The following SYAP1 variants were observed in gnomAD, a reference collection of about 807,000 sequenced individuals.
SYAP1 encodes synapse associated protein 1, also known as synapse-associated protein 1.
SYAP1 carries 3 observed loss-of-function variants against 29.6 expected under a neutral mutation model. That is an observed-to-expected ratio of 0.10 (90% CI 0.05 to 0.26). The LOEUF is 0.26. SYAP1 is among the 10% of genes least tolerant of loss of function. The pLI is 1.00. For synonymous variants in SYAP1, 102 were observed against 102.7 expected (o/e 0.99, Z 0.04); for missense variants, 217 against 264.1 (o/e 0.82, Z 1.24).
At chrX:16,724,191 G>T (rs1926030956) in intron 1 of SYAP1, among the ~76,000 whole-genome samples, 1 of 111,923 alleles carries the variant, frequency 8.9e-6, no homozygotes, top group Non-Finnish European at 1.9e-5. Flanking sequence ...GGGGTAAGCA[G>T]GCACAGTAGA....
intron 4 of SYAP1, among the ~76,000 whole-genome samples, chrX:16,742,990 CAAAAT>C (rs1926506759): frequency 1.0e-5 from 1 of 99,660 alleles, no homozygotes; most frequent in Non-Finnish European, 2.0e-5. Context: ...AAGACTGTCT[CAAAAT>C]AAAGAAAGAA....
intron 3 of SYAP1, among the ~76,000 whole-genome samples, chrX:16,740,990 CT>C (rs1926447003): frequency 9.2e-6 from 1 of 108,929 alleles, no homozygotes; most frequent in Non-Finnish European, 1.9e-5. Flanking sequence ...TTAATAGATT[CT>C]TTCTCATTCA....
At chrX:16,748,224 C>T (rs1031133943) in intron 5 of SYAP1, among the ~76,000 whole-genome samples, 2 of 112,226 alleles carry the variant, frequency 1.8e-5, no homozygotes, top group African/African-American at 6.5e-5. Context: ...ATAGATGGAA[C>T]GCAACTGGTG....
In SYAP1 at chrX:16,760,377, G is replaced by A. The variant is rs1232378139; in HGVS notation, c.*18G>A. Reference sequence around the variant, plus strand: ...AAAATTAGCTGTTCCTGAAATAGAAGAATAATCCTTAACAGTCTGCAAACT... The same window carrying A: ...AAAATTAGCTGTTCCTGAAATAGAAAAATAATCCTTAACAGTCTGCAAACT... On this transcript the variant is annotated 3_prime_UTR_variant, in exon 9 of 9. Transcript: ENST00000380155. 8.6e-7 allele frequency: 1 copy of A among 1,164,654 alleles called. No individual in the cohort carries two copies. Among genetic ancestry groups the A allele is most frequent in the African/African-American group, 1.8e-5 (1 of 55,199 alleles).
intron 1 of SYAP1, among the ~76,000 whole-genome samples, chrX:16,734,305 G>A (rs1926273553): frequency 9.2e-6 from 1 of 108,338 alleles, no homozygotes; most frequent in South Asian, 4.2e-4. Context: ...CTTAAACCTG[G>A]GAGGTGGAGG....
chrX:16,752,948 T>C (rs892364594), intron 5 of SYAP1, among the ~76,000 whole-genome samples: 1 of 111,163 alleles, frequency 9.0e-6, no homozygotes, highest in Non-Finnish European at 1.9e-5. Context: ...GCTCAAATTA[T>C]TACCAATTTG....
chrX:16,722,517 G>C (rs1925986186), intron 1 of SYAP1, among the ~76,000 whole-genome samples: 1 of 104,118 alleles, frequency 9.6e-6, no homozygotes. Context: ...GACAAAGTGA[G>C]ACTGCATCTC....
intron 1 of SYAP1, among the ~76,000 whole-genome samples, chrX:16,727,983 C>A (rs111920820): frequency 8.9e-6 from 1 of 111,951 alleles, no homozygotes; most frequent in African/African-American, 3.3e-5. Context: ...ATGCAAATAA[C>A]TATATTGCCA....
At chrX:16,732,572 C>T (rs767958897) in intron 1 of SYAP1, among the ~76,000 whole-genome samples, 29 of 111,110 alleles carry the variant, frequency 2.6e-4, no homozygotes, top group African/African-American at 9.2e-4. Context: ...GCGCCCAGCC[C>T]GGTCACTGGC....
Position 16,735,352 on chromosome X carries a change from T to C in SYAP1, c.294+7T>C, listed in dbSNP as rs1926307010. 1 of 1,041,947 alleles carries C rather than the reference T, an allele frequency of 9.6e-7. No homozygotes were observed. The highest frequency in any genetic ancestry group is 1.3e-6 in the Non-Finnish European group (1 of 758,079). 85.9% of individuals were successfully genotyped at this position (1,041,947 alleles called of 1,213,427 possible). A position where few individuals can be genotyped will look rare whatever the true frequency, so the allele number is the denominator to read the frequency against. ...AGATGGCATCATTGACAAGGTATAT[T>C]CAATTATCTTTTGGAAGTAGAAATG... On this transcript the variant is annotated splice_region_variant and intron_variant, in intron 2 of 8. Transcript: ENST00000380155.
Position 16,756,628 on chromosome X carries a change from A to G in SYAP1, c.725-35A>G, listed in dbSNP as rs1245681655. On this transcript the variant is annotated intron_variant, in intron 6 of 8. Transcript: ENST00000380155. ...TATAATATGTATTCAGAACTGAACC[A>G]AGCAATTATTGTCTCTCTTATTCTC... is the stretch of plus-strand genomic sequence containing the variant. The G allele has an allele frequency of 7.8e-6, 9 of 1,155,635 alleles. No homozygotes were observed. In the South Asian group the frequency reaches 1.6e-4, roughly 21 times the overall value.
At chrX:16,737,841 A>T (rs932583906) in intron 3 of SYAP1, among the ~76,000 whole-genome samples, 25 of 112,337 alleles carry the variant, frequency 2.2e-4, no homozygotes, top group Admixed American at 1.2e-3. Flanking sequence ...CATTGCAGAA[A>T]GTTCGTTTGC....
At position 16,733,635 on chromosome X, in the gene SYAP1, G is replaced by A. The variant is rs1353460337; in HGVS notation, c.176-1592G>A. ...CAGCAGCCTGGATTCTGTAGGATGTGGACTTTGAAATGATATTTGTCTACA... is the reference window on the plus strand; with the variant it reads ...CAGCAGCCTGGATTCTGTAGGATGTAGACTTTGAAATGATATTTGTCTACA... On this transcript the variant is annotated intron_variant, in intron 1 of 8. Transcript: ENST00000380155. Among the ~76,000 whole-genome samples the A allele has an allele frequency of 2.7e-5, 3 of 110,278 alleles. No individual in the cohort carries two copies. In the East Asian group the frequency reaches 8.5e-4, roughly 31 times the overall value.
chrX:16,732,235 C>T (rs112003398), intron 1 of SYAP1, among the ~76,000 whole-genome samples: 9,523 of 111,781 alleles, frequency 0.085, 1,027 homozygotes, highest in African/African-American at 0.3. Context: ...TTAAGCACTT[C>T]TATTTTTCTG....
At chrX:16,743,621 G>A (rs1455627629) in intron 4 of SYAP1, 80 bp from the exon 5 acceptor site, 3 of 984,938 alleles carry the variant, frequency 3.0e-6, no homozygotes, top group Middle Eastern at 2.9e-4. Flanking sequence ...GTGACAACCC[G>A]TCTCAAAAAA....
chrX:16,744,118 A>C (rs1002585539), intron 5 of SYAP1, among the ~76,000 whole-genome samples: 2 of 112,352 alleles, frequency 1.8e-5, no homozygotes, highest in Non-Finnish European at 3.8e-5. Context: ...ACCCTGAATC[A>C]CATTCTGGTC....
chrX:16,743,571 T>G (rs1926524219), intron 4 of SYAP1, 130 bp from the exon 5 acceptor site: 1 of 528,801 alleles, frequency 1.9e-6, no homozygotes, highest in African/African-American at 2.4e-5. Flanking sequence ...GAGGTGGAGG[T>G]TGCAGTGAGC....
chrX:16,720,954 A>G (rs911568623), intron 1 of SYAP1, among the ~76,000 whole-genome samples: 1 of 110,401 alleles, frequency 9.1e-6, no homozygotes, highest in Non-Finnish European at 1.9e-5. Context: ...TGGAAGTTGC[A>G]GTGAGCTGAG....
intron 5 of SYAP1, 91 bp downstream of exon 5, chrX:16,743,931 A>C: frequency 1.9e-6 from 2 of 1,029,204 alleles, no homozygotes; most frequent in Admixed American, 2.6e-5. Flanking sequence ...AAGGGTCTCT[A>C]TCTGTTCATA....
Sources: gnomAD v4.1 joint callset for allele counts (sites outside exome capture counted in the v4.1 genomes callset) on GRCh38, gnomAD v4.1.1 for gene constraint, MANE v1.5 for transcripts, NCBI Gene and HGNC (gene_info 2026-07-23, HGNC 2026-07-21) for gene names.